The following RNF8 variants were observed in gnomAD, a reference collection of about 807,000 sequenced individuals.
The protein encoded by RNF8 is E3 ubiquitin-protein ligase RNF8.
In RNF8, 8 loss-of-function variants were observed where a neutral mutation model predicts 59.3. The observed-to-expected ratio is 0.13, with a 90% CI of 0.08 to 0.24. RNF8 has a LOEUF of 0.24. RNF8 is among the 10% of genes least tolerant of loss of function. The probability of loss-of-function intolerance (pLI) is 1.00; values close to 1 mark genes in which losing one functional copy is unlikely to be tolerated. For missense variants in RNF8, 406 were observed against 572.6 expected (o/e 0.71, Z 2.97); for synonymous variants, 162 against 200.0 (o/e 0.81, Z 1.60).
intron 1 of RNF8, among the ~76,000 whole-genome samples, chr6:37,359,963 G>A (rs1417416775): frequency 6.6e-6 from 1 of 152,202 alleles, no homozygotes; most frequent in African/African-American, 2.4e-5. Context: ...AAAACTCAGT[G>A]TTCACTTTAT....
Position 37,360,261 on chromosome 6 carries a change from C to G in RNF8, c.112-185C>G, listed in dbSNP as rs960530951. On this transcript the variant is annotated intron_variant, in intron 1 of 7. Coordinates refer to ENST00000373479, the MANE Select transcript of RNF8 (RefSeq NM_003958.4). The surrounding 1 kb of genome is among the most constrained non-coding windows in gnomAD (Gnocchi z 4.2). Reference sequence around the variant, plus strand: ...TTCTCTTGTTGTCACAACCGTTTGCCTTTTTCTACTTGGTGGTTCTCAAGA... The same window carrying G: ...TTCTCTTGTTGTCACAACCGTTTGCGTTTTTCTACTTGGTGGTTCTCAAGA... 2.0e-5 allele frequency among the ~76,000 whole-genome samples: 3 copies of G among 152,066 alleles called. No individual in the cohort carries two copies. Among genetic ancestry groups the G allele is most frequent in the African/African-American group, 7.2e-5 (3 of 41,402 alleles).
chr6:37,371,599 T>G (rs1323786110), intron 4 of RNF8, 25 bp downstream of exon 4: 2 of 1,599,022 alleles, frequency 1.3e-6, no homozygotes, highest in Admixed American at 1.7e-5. Context: ...GTACTAAGAT[T>G]ATAGTGGGCT....
At chr6:37,390,668 G>A (rs377174108) in intron 7 of RNF8, 74 bp from the exon 8 acceptor site, 1 of 1,107,998 alleles carries the variant, frequency 9.0e-7, no homozygotes. Context: ...AGGGTGGCGA[G>A]GCTGGAAGCA....
At chr6:37,378,618 A>AG (rs1229963245) in intron 6 of RNF8, among the ~76,000 whole-genome samples, 56 of 151,878 alleles carry the variant, frequency 3.7e-4, no homozygotes, top group African/African-American at 1.2e-3. Context: ...AAAAAAAAAA[A>AG]AAAAAGAAAA....
intron 5 of RNF8, among the ~76,000 whole-genome samples, chr6:37,375,210 G>A (rs960792778): frequency 2.6e-5 from 4 of 152,260 alleles, no homozygotes; most frequent in East Asian, 1.9e-4. Flanking sequence ...GGAGCTGTGC[G>A]GGCTATGGCT....
intron 4 of RNF8, among the ~76,000 whole-genome samples, chr6:37,373,429 C>G (rs897096991): frequency 6.6e-6 from 1 of 152,162 alleles, no homozygotes; most frequent in African/African-American, 2.4e-5. Flanking sequence ...TATTTTGAGA[C>G]AGTGTCTCGT....
intron 5 of RNF8, 47 bp downstream of exon 5, chr6:37,374,756 C>G (rs766451817): frequency 7.1e-7 from 1 of 1,398,634 alleles, no homozygotes; most frequent in East Asian, 2.3e-5. Context: ...GTGCATGCAA[C>G]TCAGCATTTT....
At chr6:37,363,278 C>T (rs1769396996) in intron 2 of RNF8, among the ~76,000 whole-genome samples, 1 of 152,124 alleles carries the variant, frequency 6.6e-6, no homozygotes, top group Admixed American at 6.5e-5. Flanking sequence ...TTACTCTCAC[C>T]TGGGGCACTT....
chr6:37,354,810 C>T (rs1038097490), intron 1 of RNF8, among the ~76,000 whole-genome samples: 21 of 152,212 alleles, frequency 1.4e-4, no homozygotes, highest in African/African-American at 4.8e-4. Context: ...CCGCGAGCTG[C>T]CGGGAAGCCG....
At chr6:37,381,536 A>G (rs1770262394) in intron 7 of RNF8, among the ~76,000 whole-genome samples, 182 bp downstream of exon 7, 1 of 152,184 alleles carries the variant, frequency 6.6e-6, no homozygotes, top group South Asian at 2.1e-4. Context: ...TTGAGATAGA[A>G]TTAACCGCAA....
chr6:37,376,863 C>A (rs1455673784), intron 5 of RNF8, 63 bp from the exon 6 acceptor site: 1 of 1,000,610 alleles, frequency 1.0e-6, no homozygotes, highest in Non-Finnish European at 1.6e-6. Flanking sequence ...TGACCCTGCT[C>A]CCTGTCCCAT....
At chr6:37,357,831 C>A (rs1461848079) in intron 1 of RNF8, among the ~76,000 whole-genome samples, 1 of 152,224 alleles carries the variant, frequency 6.6e-6, no homozygotes, top group South Asian at 2.1e-4. Flanking sequence ...CCTCTTTATT[C>A]TTTCATTCAT....
rs760668185 is a variant in RNF8 at position 37,381,362 on chromosome 6, G to T, written c.1441+8G>T. 20 of 1,612,110 alleles carry T rather than the reference G, an allele frequency of 1.2e-5. No individual in the cohort carries two copies. In the Admixed American group the frequency reaches 3.2e-4, roughly 26 times the overall value. On this transcript the variant is annotated splice_region_variant and intron_variant, in intron 7 of 7. Coordinates refer to ENST00000373479, the MANE Select transcript of RNF8 (RefSeq NM_003958.4). The stretch of plus-strand genomic sequence containing the variant: ...TCATTAGGGAACGAAAAGGTGAGTG[G>T]GTGTGAGAATTCCTACCCCTCAAGA...
At chr6:37,379,116 A>G (rs558028449) in intron 6 of RNF8, among the ~76,000 whole-genome samples, 3 of 152,144 alleles carry the variant, frequency 2.0e-5, no homozygotes, top group Admixed American at 6.5e-5. Context: ...TCTTGGGTTC[A>G]TGTGATCCTG....
chr6:37,362,679 A>G (rs6923319), intron 2 of RNF8, among the ~76,000 whole-genome samples: 2,460 of 152,198 alleles, frequency 0.016, 60 homozygotes, highest in African/African-American at 0.055. Context: ...AGAGACCTGA[A>G]TTTCAGCTGT....
At chr6:37,363,680 A>ATTAC (rs142808392) in intron 2 of RNF8, among the ~76,000 whole-genome samples, 5,111 of 152,266 alleles carry the variant, frequency 0.034, 217 homozygotes, top group African/African-American at 0.096. Flanking sequence ...AATTGGTACA[A>ATTAC]TTTGGGAAAT....
At chr6:37,383,984 TTC>T (rs1770387108) in intron 7 of RNF8, among the ~76,000 whole-genome samples, 2 of 152,182 alleles carry the variant, frequency 1.3e-5, no homozygotes, top group Non-Finnish European at 2.9e-5. Flanking sequence ...GTTAAAACTC[TTC>T]TGTTTTGCTT....
At chr6:37,386,073 C>G (rs1173036298) in intron 7 of RNF8, among the ~76,000 whole-genome samples, 1 of 151,360 alleles carries the variant, frequency 6.6e-6, no homozygotes, top group Non-Finnish European at 1.5e-5. Flanking sequence ...TGAGCTCGAG[C>G]AATCCACCCG....
At position 37,392,798 on chromosome 6, in the gene RNF8, T is replaced by C. The variant is rs928280720; in HGVS notation, c.*2040T>C. ...TGTACATATATCTTTAGAGAGAAGA[T>C]ATTTTAAAAAGAAATACCTTTTTAA... On this transcript the variant is annotated 3_prime_UTR_variant, in exon 8 of 8. Transcript: ENST00000373479. 13 of 397,418 alleles carry C rather than the reference T, an allele frequency of 3.3e-5. No homozygotes were observed. Among genetic ancestry groups the C allele is most frequent in the Non-Finnish European group, 5.8e-5 (13 of 225,798 alleles). The allele number at this position is 397,418 out of a possible 1,614,324, so 24.6% of individuals were successfully genotyped here.
Sources: allele counts gnomAD v4.1 joint callset (sites outside exome capture counted in the v4.1 genomes callset), GRCh38; gene constraint gnomAD v4.1.1; non-coding constraint Gnocchi (gnomAD v3.1); transcripts MANE v1.5; gene names NCBI Gene and HGNC (gene_info 2026-07-23, HGNC 2026-07-21).